Variants in PAPPA2 observed in about 807,000 individuals in gnomAD.
PAPPA2 encodes the protein pappalysin-2.
Under a neutral mutation model 176.4 loss-of-function variants are expected in PAPPA2, and 86 were observed. That is an observed-to-expected ratio of 0.49 (90% confidence interval 0.41 to 0.58). The LOEUF is 0.58. Ranked by LOEUF, PAPPA2 falls within the 20% of genes least tolerant of loss-of-function variation. The pLI, the probability that PAPPA2 is intolerant of heterozygous loss-of-function variation, is 0.00. For synonymous variants in PAPPA2, 809 were observed against 852.2 expected (o/e 0.95, Z 0.88); for missense variants, 2,073 against 2,256.9 (o/e 0.92, Z 1.65).
At chr1:176,595,954 C>T (rs1653955068) in intron 3 of PAPPA2, among the ~76,000 whole-genome samples, 1 of 152,194 alleles carries the variant, frequency 6.6e-6, no homozygotes, top group African/African-American at 2.4e-5. Context: ...AACAAGGCAT[C>T]CAGGCCTAGA....
chr1:176,827,451 G>T (rs532679587), intron 21 of PAPPA2, among the ~76,000 whole-genome samples: 1 of 151,994 alleles, frequency 6.6e-6, no homozygotes, highest in Non-Finnish European at 1.5e-5. Context: ...TTCCTGCTGG[G>T]GTTATTCTCC....
rs1661811010 is a variant in PAPPA2, at chr1:176,725,226, T to C, written c.3798+13245T>C. Among the ~76,000 whole-genome samples the C allele has an allele frequency of 1.3e-5, 2 of 152,236 alleles. 1 individual carries two copies. The highest frequency in any genetic ancestry group is 4.1e-4 in the South Asian group (2 of 4,836). ...CATATTATTCATGTTTAAAGTTTTT[T>C]TAACCATTCAAAAATGCAAAAACTC... On this transcript the variant is annotated intron_variant, in intron 12 of 22. Transcript: ENST00000367662.
At chr1:176,796,526 A>G (rs1477802546) in intron 20 of PAPPA2, among the ~76,000 whole-genome samples, 1 of 152,314 alleles carries the variant, frequency 6.6e-6, no homozygotes, top group East Asian at 1.9e-4. Flanking sequence ...TTAACAAGAC[A>G]TTTAACCAGG....
chr1:176,645,235 T>G (rs1332425074), intron 3 of PAPPA2, among the ~76,000 whole-genome samples: 1 of 151,768 alleles, frequency 6.6e-6, no homozygotes, highest in Non-Finnish European at 1.5e-5. Flanking sequence ...AACCTCTTTT[T>G]ATCCTCCCTC....
In PAPPA2 at chr1:176,641,732, T is replaced by C. The variant is rs139923580; in HGVS notation, c.1992-29238T>C. ...AATGAGTACACTCTTCTCCTATTTT[T>C]TGACCATGAAATCCCTTTTATGAAA... is the stretch of plus-strand genomic sequence containing the variant. On this transcript the variant is annotated intron_variant, in intron 3 of 22. Transcript: ENST00000367662. 3.0e-3 allele frequency among the ~76,000 whole-genome samples: 457 copies of C among 152,146 alleles called. 3 individuals carry two copies. The highest frequency in any genetic ancestry group is 0.011 in the African/African-American group (444 of 41,548).
chr1:176,819,851 G>A (rs1666585070), intron 21 of PAPPA2, among the ~76,000 whole-genome samples: 1 of 152,334 alleles, frequency 6.6e-6, no homozygotes, highest in Middle Eastern at 3.4e-3. Context: ...TTAAAGCCTG[G>A]AACTAGTTTT....
chr1:176,783,732 A>G (rs182502882), intron 17 of PAPPA2, among the ~76,000 whole-genome samples: 13 of 152,362 alleles, frequency 8.5e-5, no homozygotes, highest in Non-Finnish European at 1.2e-4. Context: ...CTGGATGCTT[A>G]GCAAAGACCA....
rs536076736 is a variant in PAPPA2 at position 176,546,642 on chromosome 1, A to C, written c.-916-8765A>C. Among the ~76,000 whole-genome samples the C allele has an allele frequency of 2.6e-5, 4 of 152,342 alleles. No individual in the cohort carries two copies. The East Asian group carries it at 7.7e-4, about 29-fold the overall frequency. On this transcript the variant is annotated intron_variant, in intron 1 of 22. Transcript: ENST00000367662. ...CAATAATTATTGCAAAAGAGAATGC[A>C]CGACAGTTGAAGCTGTAATTGATGT...
At chr1:176,680,506 T>A (rs933541519) in intron 4 of PAPPA2, among the ~76,000 whole-genome samples, 24 of 152,256 alleles carry the variant, frequency 1.6e-4, no homozygotes, top group African/African-American at 5.8e-4. Flanking sequence ...TACATTCACA[T>A]GTAATTGTAA....
intron 4 of PAPPA2, among the ~76,000 whole-genome samples, chr1:176,688,354 T>C (rs1353605704): frequency 6.6e-6 from 1 of 152,184 alleles, no homozygotes; most frequent in East Asian, 1.9e-4. Context: ...TGTACATGAA[T>C]GTTGGTGATG....
intron 2 of PAPPA2, among the ~76,000 whole-genome samples, chr1:176,563,236 G>A (rs894222188): frequency 6.6e-6 from 1 of 152,140 alleles, no homozygotes; most frequent in South Asian, 2.1e-4. Context: ...GGGATCCAGG[G>A]CAGTGGCTTT....
chr1:176,656,562 G>A (rs1021910353), intron 3 of PAPPA2, among the ~76,000 whole-genome samples: 1 of 151,766 alleles, frequency 6.6e-6, no homozygotes, highest in Non-Finnish European at 1.5e-5. Context: ...AGCTTTTCCC[G>A]GGAAGAGTAG....
chr1:176,557,712 C>T (rs987981979), intron 2 of PAPPA2, among the ~76,000 whole-genome samples: 21 of 152,146 alleles, frequency 1.4e-4, no homozygotes, highest in Admixed American at 7.2e-4. Flanking sequence ...GGTACACAGC[C>T]GTCAGGTCCT....
chr1:176,626,061 A>G (rs902207097), intron 3 of PAPPA2, among the ~76,000 whole-genome samples: 1 of 152,126 alleles, frequency 6.6e-6, no homozygotes, highest in African/African-American at 2.4e-5. Flanking sequence ...ATTACAAAAT[A>G]CCACATAACT....
intron 14 of PAPPA2, among the ~76,000 whole-genome samples, chr1:176,743,312 T>C (rs1662767021): frequency 6.6e-6 from 1 of 152,188 alleles, no homozygotes; most frequent in Non-Finnish European, 1.5e-5. Context: ...ATTCCCTGGT[T>C]CCTTTAACTT....
intron 1 of PAPPA2, among the ~76,000 whole-genome samples, chr1:176,528,749 C>G (rs1649630435): frequency 6.6e-6 from 1 of 152,200 alleles, no homozygotes; most frequent in South Asian, 2.1e-4. Context: ...TCTCTCAGGT[C>G]TACAGTCCAT....
chr1:176,551,926 G>A (rs902286022), intron 1 of PAPPA2, among the ~76,000 whole-genome samples: 1 of 152,172 alleles, frequency 6.6e-6, no homozygotes, highest in Non-Finnish European at 1.5e-5. Context: ...AGGCAGAGAT[G>A]CAGGGAGGGA....
chr1:176,654,080 G>C (rs185832281), intron 3 of PAPPA2, among the ~76,000 whole-genome samples: 1 of 151,382 alleles, frequency 6.6e-6, no homozygotes, highest in Non-Finnish European at 1.5e-5. Context: ...GTCTATTTTT[G>C]TTGTTGTTAC....
intron 14 of PAPPA2, 112 bp downstream of exon 14, chr1:176,740,308 G>A: frequency 9.1e-7 from 1 of 1,093,602 alleles, no homozygotes; most frequent in Non-Finnish European, 1.3e-6. Context: ...ACTGAAAAAT[G>A]AATTTAGGAA....
Sources: gnomAD v4.1 joint callset for allele counts (sites outside exome capture counted in the v4.1 genomes callset) on GRCh38, gnomAD v4.1.1 for gene constraint, MANE v1.5 for transcripts, NCBI Gene and HGNC (gene_info 2026-07-23, HGNC 2026-07-21) for gene names.